NEXMIF: variants seen among roughly 807,000 people sequenced by gnomAD.
The protein encoded by NEXMIF is XLMR protein related to neurite extension.
A neutral mutation model predicts 62.1 loss-of-function variants in NEXMIF; 8 were observed. That is an observed-to-expected ratio of 0.13 (90% CI 0.08 to 0.23). NEXMIF has a LOEUF of 0.23. NEXMIF is among the 10% of genes least tolerant of loss of function. The probability of loss-of-function intolerance (pLI) is 1.00; values close to 1 mark genes in which losing one functional copy is unlikely to be tolerated. For synonymous variants in NEXMIF, 404 were observed against 416.6 expected (o/e 0.97, Z 0.37); for missense variants, 976 against 1,113.3 (o/e 0.88, Z 1.75).
At chrX:74,911,379 C>T (rs1002680040) in intron 1 of NEXMIF, among the ~76,000 whole-genome samples, 4 of 111,579 alleles carry the variant, frequency 3.6e-5, no homozygotes, top group Middle Eastern at 9.4e-3. Context: ...GAGATCATGC[C>T]ACTACACAGA....
In NEXMIF at chrX:74,737,727, C is replaced by T. The variant is rs2080089201; in HGVS notation, c.*1678G>A. 1 of 111,522 alleles carries T rather than the reference C, an allele frequency of 9.0e-6. No individual in the cohort carries two copies. Among genetic ancestry groups the T allele is most frequent in the Non-Finnish European group, 1.9e-5 (1 of 53,040 alleles). 9.2% of individuals were successfully genotyped at this position (111,522 alleles called of 1,213,427 possible). On this transcript the variant is annotated 3_prime_UTR_variant, in exon 4 of 4. Transcript: ENST00000055682. ...TCTGTTTGTGAATACATTTAGGTGG[C>T]ATTGACTAGGTAGGTTCATATTTTG...
intron 1 of NEXMIF, among the ~76,000 whole-genome samples, chrX:74,872,394 G>T (rs978805580): frequency 2.1e-5 from 2 of 95,251 alleles, no homozygotes; most frequent in African/African-American, 7.5e-5. Context: ...AACACATAGG[G>T]ATAGACAGCA....
chrX:74,757,660 C>T (rs769269841), intron 1 of NEXMIF, among the ~76,000 whole-genome samples: 5 of 111,795 alleles, frequency 4.5e-5, no homozygotes, highest in Admixed American at 3.8e-4. Context: ...GGGTTTCCAT[C>T]GGTCTTTGGT....
rs546611844 is a variant in NEXMIF at position 74,859,834 on chromosome X, G to A, written c.-48+65049C>T. Reference sequence around the variant, plus strand: ...TTGTTTATGGAAACAATGCTATGTTGTTGTCAGCTTAAAAAGCCTCGTGGT... The same window carrying A: ...TTGTTTATGGAAACAATGCTATGTTATTGTCAGCTTAAAAAGCCTCGTGGT... On this transcript the variant is annotated intron_variant, in intron 1 of 3. Coordinates refer to ENST00000055682, the MANE Select transcript of NEXMIF (RefSeq NM_001008537.3). 1.1e-4 allele frequency among the ~76,000 whole-genome samples: 12 copies of A among 111,390 alleles called. No homozygotes were observed. In the South Asian group the frequency reaches 3.8e-3, roughly 35 times the overall value.
chrX:74,784,701 C>T lies in NEXMIF; in HGVS notation c.-47-39004G>A, dbSNP rs900932782. On this transcript the variant is annotated intron_variant, in intron 1 of 3. Coordinates refer to ENST00000055682, the MANE Select transcript of NEXMIF (RefSeq NM_001008537.3). ...CCCAGCAGTCTTGAGTTGCTCAAAT[C>T]GTATACATTTTTAGAAGGGCCCACT... is the stretch of plus-strand genomic sequence containing the variant. Among the ~76,000 whole-genome samples, 22 of 110,393 alleles carry T rather than the reference C, an allele frequency of 2.0e-4. 1 individual carries two copies. Among genetic ancestry groups the T allele is most frequent in the African/African-American group, 6.9e-4 (21 of 30,313 alleles).
chrX:74,921,409 A>G (rs1171621551), intron 1 of NEXMIF, among the ~76,000 whole-genome samples: 1 of 112,169 alleles, frequency 8.9e-6, no homozygotes, highest in African/African-American at 3.2e-5. Flanking sequence ...TTGTTGTTTG[A>G]GAAGACACGA....
At chrX:74,767,045 G>T (rs1368383046) in intron 1 of NEXMIF, among the ~76,000 whole-genome samples, 1 of 112,198 alleles carries the variant, frequency 8.9e-6, no homozygotes, top group East Asian at 2.8e-4. Flanking sequence ...AGTCCTCATG[G>T]ACTCTCCAAA....
chrX:74,795,962 T>A (rs2080305120), intron 1 of NEXMIF, among the ~76,000 whole-genome samples: 2 of 102,676 alleles, frequency 1.9e-5, no homozygotes, highest in East Asian at 3.1e-4. Context: ...TTTGAACAAG[T>A]AAGTAAATGG....
At chrX:74,866,384 A>G (rs1322363768) in intron 1 of NEXMIF, among the ~76,000 whole-genome samples, 1 of 112,141 alleles carries the variant, frequency 8.9e-6, no homozygotes, top group Non-Finnish European at 1.9e-5. Flanking sequence ...TGTATCTAGG[A>G]AGTAACTAAC....
At chrX:74,753,138 C>T (rs1364424253) in intron 1 of NEXMIF, among the ~76,000 whole-genome samples, 1 of 112,316 alleles carries the variant, frequency 8.9e-6, no homozygotes, top group Non-Finnish European at 1.9e-5. Context: ...TAACTTTAGG[C>T]TAAATTATCT....
intron 1 of NEXMIF, among the ~76,000 whole-genome samples, chrX:74,816,642 T>A: frequency 8.9e-6 from 1 of 112,078 alleles, no homozygotes; most frequent in African/African-American, 3.2e-5. Flanking sequence ...TTTTCAATAA[T>A]CCTTATGCTT....
intron 1 of NEXMIF, among the ~76,000 whole-genome samples, chrX:74,864,028 T>C (rs1419007854): frequency 8.9e-6 from 1 of 112,251 alleles, no homozygotes; most frequent in Non-Finnish European, 1.9e-5. Flanking sequence ...ATTATCTCAA[T>C]AGATGCAGAA....
At chrX:74,864,152 C>T (rs752284602) in intron 1 of NEXMIF, among the ~76,000 whole-genome samples, 1 of 111,696 alleles carries the variant, frequency 9.0e-6, no homozygotes, top group Admixed American at 9.5e-5. Context: ...GGAAGCATTC[C>T]ATTTGAAAAC....
At chrX:74,847,729 C>T (rs1008491081) in intron 1 of NEXMIF, among the ~76,000 whole-genome samples, 3 of 111,693 alleles carry the variant, frequency 2.7e-5, no homozygotes, top group African/African-American at 9.8e-5. Flanking sequence ...TTTCAAGTGG[C>T]AGCATGCAGT....
At position 74,744,421 on chromosome X, in the gene NEXMIF, G is replaced by A. The variant is rs762483701; in HGVS notation, c.136C>T (p.Pro46Ser). Residue 46 changes from proline to serine, a missense_variant, in exon 3 of 4, where the codon CCT becomes TCT. By Grantham distance (74) the Pro-to-Ser change is moderately conservative. Around this residue, in one of 5 missense-constraint regions of NEXMIF, gnomAD observed 126 missense variants for 146.5 expected, o/e 0.86. Coordinates refer to ENST00000055682, the MANE Select transcript of NEXMIF (RefSeq NM_001008537.3). ...TGTGCCACCGGTGTAGGCTGGATAGGTGCAGCAGCTTCTAGAGCTGCAAAT... is the reference window on the plus strand; with the variant it reads ...TGTGCCACCGGTGTAGGCTGGATAGATGCAGCAGCTTCTAGAGCTGCAAAT... The part of the protein sequence containing the change: ...KSFAALEAAA[P>S]IQPTPVAQKE... 2.5e-6 allele frequency: 3 copies of A among 1,208,119 alleles called. No individual in the cohort carries two copies. Among genetic ancestry groups the A allele is most frequent in the Middle Eastern group, 2.3e-4 (1 of 4,298 alleles).
At chrX:74,782,840 C>G (rs779514465) in intron 1 of NEXMIF, among the ~76,000 whole-genome samples, 1 of 111,937 alleles carries the variant, frequency 8.9e-6, no homozygotes, top group South Asian at 3.7e-4. Flanking sequence ...GTAAGGGAGG[C>G]AGTGTGGTGG....
chrX:74,895,410 A>G (rs1325135602), intron 1 of NEXMIF, among the ~76,000 whole-genome samples: 1 of 112,127 alleles, frequency 8.9e-6, no homozygotes, highest in Non-Finnish European at 1.9e-5. Context: ...ATTCAATGCA[A>G]TCTCTATCAA....
Position 74,925,417 on chromosome X carries a change from G to A in NEXMIF, c.-582C>T. 1 of 194,566 alleles carries A rather than the reference G, an allele frequency of 5.1e-6. No homozygotes were observed. The allele number at this position is 194,566 out of a possible 1,213,427, so 16.0% of individuals were successfully genotyped here. A position where few individuals can be genotyped will look rare whatever the true frequency, so the allele number is the denominator to read the frequency against. On this transcript the variant is annotated 5_prime_UTR_variant, in exon 1 of 4. Transcript: ENST00000055682. ...TGCTGTGGCGGCGGTGGTGGCGGCG[G>A]CGGCTGCTGCTGCTGCTGCTGATGC...
rs1282712652 is a variant in NEXMIF, at chrX:74,738,485, A to T, written c.*920T>A. 8.9e-6 allele frequency: 1 copy of T among 112,094 alleles called. No homozygotes were observed. The allele number at this position is 112,094 out of a possible 1,213,427, so 9.2% of individuals were successfully genotyped here. A position where few individuals can be genotyped will look rare whatever the true frequency, so the allele number is the denominator to read the frequency against. On this transcript the variant is annotated 3_prime_UTR_variant, in exon 4 of 4. Transcript: ENST00000055682. ...CATTCTATATACTTCATTTATCATT[A>T]GTGTTGATTTTATAGCTATTTTTAT...
Sources: gnomAD v4.1 joint callset for allele counts (sites outside exome capture counted in the v4.1 genomes callset) on GRCh38, gnomAD v4.1.1 for gene constraint, gnomAD v4.1.1 regional missense constraint, MANE v1.5 for transcripts, NCBI Gene and HGNC (gene_info 2026-07-23, HGNC 2026-07-21) for gene names.